The following BDP1 variants were observed in gnomAD, a reference collection of about 807,000 sequenced individuals.
BDP1 encodes transcription factor TFIIIB component B'' homolog.
Under a neutral mutation model 266.6 loss-of-function variants are expected in BDP1, and 169 were observed. That is an observed-to-expected ratio of 0.63 (90% CI 0.56 to 0.72). BDP1 has a LOEUF of 0.72. Ranked by LOEUF, BDP1 falls within the 30% of genes least tolerant of loss-of-function variation. The probability of loss-of-function intolerance (pLI) is 0.00; values close to 1 mark genes in which losing one functional copy is unlikely to be tolerated. For missense variants in BDP1, 3,015 were observed against 3,053.8 expected (o/e 0.99, Z 0.30); for synonymous variants, 1,090 against 1,022.4 (o/e 1.07, Z -1.26).
intron 26 of BDP1, among the ~76,000 whole-genome samples, chr5:71,536,769 G>A (rs925496795): frequency 2.0e-5 from 3 of 152,112 alleles, no homozygotes; most frequent in African/African-American, 7.2e-5. Context: ...GGTTGAGGTT[G>A]CAGTAAGCTG....
intron 22 of BDP1, 105 bp downstream of exon 22, chr5:71,517,557 AAAAGGAT>A: frequency 2.0e-6 from 2 of 1,018,678 alleles, no homozygotes; most frequent in South Asian, 3.6e-5. Flanking sequence ...TGAAAATGTT[AAAAGGAT>A]AAAGTAATAA....
At position 71,510,362 on chromosome 5, in the gene BDP1, T is replaced by C; in HGVS notation, c.3270T>C (p.Asp1090=). 1 of 1,613,246 alleles carries C rather than the reference T, an allele frequency of 6.2e-7. No individual in the cohort carries two copies. The highest frequency in any genetic ancestry group is 8.5e-7 in the Non-Finnish European group (1 of 1,179,870). The change falls in exon 17 of 39, where the codon GAT becomes GAC. Residue 1090 remains aspartate (D), a synonymous_variant. Transcript: ENST00000358731. Reference sequence around the variant, plus strand: ...ATGCCATTGAGGAAATAGAGATAGATTTGGAAGAAACTGAAAGAGAAATAT... The same window carrying C: ...ATGCCATTGAGGAAATAGAGATAGACTTGGAAGAAACTGAAAGAGAAATAT... The part of the protein sequence containing the change: ...VIDAIEEIEI[D]LEETEREISP...
Position 71,547,387 on chromosome 5 carries a change from A to G in BDP1, c.6745-1295A>G, listed in dbSNP as rs1365771675. 5.3e-5 allele frequency among the ~76,000 whole-genome samples: 8 copies of G among 152,078 alleles called. No individual in the cohort carries two copies. In the East Asian group the frequency reaches 1.2e-3, roughly 22 times the overall value. ...AACTTACATATTTTAGGGCAAGATT[A>G]CTATATAGGTAATAATGTGTTCTTC... On this transcript the variant is annotated intron_variant, in intron 32 of 38. Transcript: ENST00000358731.
chr5:71,482,279 C>T (rs961893182), intron 7 of BDP1, among the ~76,000 whole-genome samples: 1 of 152,176 alleles, frequency 6.6e-6, no homozygotes, highest in African/African-American at 2.4e-5. Context: ...TTGCTGTACC[C>T]TGTTTGGCCT....
At chr5:71,456,126 C>A in intron 1 of BDP1, 37 bp downstream of exon 1, 1 of 1,579,050 alleles carries the variant, frequency 6.3e-7, no homozygotes, top group Non-Finnish European at 8.6e-7. Flanking sequence ...TCATTTGTCC[C>A]GCCTCTCCGG....
chr5:71,516,379 A>T, intron 21 of BDP1, 108 bp downstream of exon 21: 2 of 772,574 alleles, frequency 2.6e-6, no homozygotes, highest in Non-Finnish European at 4.1e-6. Context: ...TATTCTACTC[A>T]ATGAATACAG....
At chr5:71,546,276 A>G (rs567316900) in intron 32 of BDP1, among the ~76,000 whole-genome samples, 18 of 152,276 alleles carry the variant, frequency 1.2e-4, no homozygotes, top group African/African-American at 2.6e-4. Context: ...TTAATTGTCA[A>G]TATTTTGCCT....
At chr5:71,556,491 G>A (rs1376549849) in intron 35 of BDP1, among the ~76,000 whole-genome samples, 1 of 151,808 alleles carries the variant, frequency 6.6e-6, no homozygotes, top group Non-Finnish European at 1.5e-5. Flanking sequence ...ATATCATTGG[G>A]TACCTTTTCT....
At chr5:71,561,355 T>A (rs1032324221) in intron 37 of BDP1, among the ~76,000 whole-genome samples, 2 of 147,492 alleles carry the variant, frequency 1.4e-5, no homozygotes, top group African/African-American at 5.0e-5. Flanking sequence ...GAGCCGAGAT[T>A]GTGCCATTGC....
chr5:71,577,942 A>C, the BDP1 span, among the ~76,000 whole-genome samples: 1 of 152,176 alleles, frequency 6.6e-6, no homozygotes, highest in Non-Finnish European at 1.5e-5. Context: ...AAAAAGGCCA[A>C]AGGGATGGTG....
intron 25 of BDP1, among the ~76,000 whole-genome samples, chr5:71,527,642 ATGTTT>A: frequency 6.6e-6 from 1 of 151,894 alleles, no homozygotes; most frequent in Non-Finnish European, 1.5e-5. Flanking sequence ...TGTGTGTATC[ATGTTT>A]TGTTTATTCC....
Position 71,517,388 on chromosome 5 carries a change from G to T in BDP1, c.4927G>T (p.Glu1643Ter). 1 of 1,605,198 alleles carries T rather than the reference G, an allele frequency of 6.2e-7. No homozygotes were observed. The highest frequency in any genetic ancestry group is 1.7e-5 in the Admixed American group (1 of 57,344). ...SSAVPEHRMY[E>*]NQSQVVLVEN... ...CGCAGTTCCAGAACACAGAATGTAT[G>T]AAAATCAAAGTCAGGTGGTTCTTGT... The change falls in exon 22 of 39, where the codon GAA becomes TAA. Residue 1643 changes from glutamate (E) to a stop codon, truncating the protein, a stop_gained. Transcript: ENST00000358731. LOFTEE classifies it high-confidence loss of function.
At chr5:71,575,658 C>T in the BDP1 span, among the ~76,000 whole-genome samples, 1 of 152,256 alleles carries the variant, frequency 6.6e-6, no homozygotes, top group South Asian at 2.1e-4. Flanking sequence ...CTTTACTATA[C>T]CCATACATGA....
chr5:71,513,376 A>G lies in BDP1; in HGVS notation c.4439A>G (p.Asn1480Ser). 2 of 1,594,828 alleles carry G rather than the reference A, an allele frequency of 1.3e-6. No homozygotes were observed. Among genetic ancestry groups the G allele is most frequent in the South Asian group, 1.1e-5 (1 of 87,784 alleles). The part of the protein sequence containing the change: ...KMETIVMQEN[N>S]EQTDTLPSQH... ...GAGACTATTGTGATGCAAGAAAATA[A>G]TGAACAAACTGATACTCTCCCTTCT... The change falls in exon 19 of 39, where the codon AAT becomes AGT. Residue 1480 changes from asparagine to serine, a missense_variant. Asn to Ser is a conservative substitution (Grantham distance 46, BLOSUM62 1). This residue lies in a region of BDP1 where 2,383 missense variants were observed against 2,404.9 expected (regional missense o/e 0.99). Transcript: ENST00000358731.
At position 71,456,038 on chromosome 5, in the gene BDP1, C is replaced by T; in HGVS notation, c.161C>T (p.Pro54Leu). The T allele has an allele frequency of 1.2e-6, 2 of 1,613,502 alleles. No individual in the cohort carries two copies. The highest frequency in any genetic ancestry group is 1.7e-6 in the Non-Finnish European group (2 of 1,180,030). Residue 54 changes from proline to leucine, a missense_variant, in exon 1 of 39, where the codon CCC becomes CTC. Physicochemically the swap from Pro to Leu is moderately conservative, Grantham distance 98 (BLOSUM62 -3). Coordinates refer to ENST00000358731, the MANE Select transcript of BDP1 (RefSeq NM_018429.3). ...ASKPAEPTDVPTVDFGGAEPQ... is the reference protein window; with the variant it reads ...ASKPAEPTDVLTVDFGGAEPQ... ...AAGCCCGCGGAGCCCACAGATGTGC[C>T]CACAGTCGATTTCGGTGGAGCGGAG...
chr5:71,464,662 C>T (rs1761784774), intron 4 of BDP1, among the ~76,000 whole-genome samples: 1 of 151,210 alleles, frequency 6.6e-6, no homozygotes, highest in Non-Finnish European at 1.5e-5. Flanking sequence ...GCCTCAGCCT[C>T]CTGAGTAGCT....
chr5:71,491,106 A>G lies in BDP1; in HGVS notation c.1615A>G (p.Arg539Gly). The change falls in exon 11 of 39, where the codon AGA (arginine) becomes GGA (glycine). Residue 539 changes from arginine to glycine, a missense_variant. By Grantham distance (125) the Arg-to-Gly change is moderately radical (BLOSUM62 -2). Coordinates refer to ENST00000358731, the MANE Select transcript of BDP1 (RefSeq NM_018429.3). ...TGCCTCCACTGAAAAAGTTGAGAAA[A>G]GAACTGACCCCATCCTTTCATTAAG... ...GFASTEKVEK[R>G]TDPILSLSNQ... 6.2e-7 allele frequency: 1 copy of G among 1,614,062 alleles called. No individual in the cohort carries two copies. Among genetic ancestry groups the G allele is most frequent in the East Asian group, 2.2e-5 (1 of 44,870 alleles).
intron 11 of BDP1, 95 bp downstream of exon 11, chr5:71,491,226 TC>T: frequency 8.3e-7 from 1 of 1,203,720 alleles, no homozygotes; most frequent in Admixed American, 2.3e-5. Context: ...TTTGCCTGTT[TC>T]TTTTTTTCAG....
chr5:71,483,549 C>T (rs1214612052), intron 7 of BDP1, among the ~76,000 whole-genome samples: 1 of 152,194 alleles, frequency 6.6e-6, no homozygotes, highest in Non-Finnish European at 1.5e-5. Context: ...TGAGCTTAGT[C>T]ATAGGTTTGA....
Sources: gnomAD v4.1 joint callset for allele counts (sites outside exome capture counted in the v4.1 genomes callset) on GRCh38, gnomAD v4.1.1 for gene constraint, gnomAD v4.1.1 regional missense constraint, MANE v1.5 for transcripts, NCBI Gene and HGNC (gene_info 2026-07-23, HGNC 2026-07-21) for gene names.